ABI3BP: variants seen among roughly 807,000 people sequenced by gnomAD.
ABI3BP encodes ABI family member 3 binding protein.
ABI3BP carries 216 observed loss-of-function variants against 268.6 expected under a neutral mutation model. The observed-to-expected ratio is 0.80, with a 90% CI of 0.72 to 0.90. The LOEUF (loss-of-function observed/expected upper bound fraction) is 0.90, where lower values mean the gene tolerates loss of function less well. Ranked by LOEUF, ABI3BP falls within the 40% of genes least tolerant of loss-of-function variation. ABI3BP has a pLI of 0.00. For synonymous variants in ABI3BP, 730 were observed against 730.0 expected (o/e 1.00, Z 0.00); for missense variants, 2,090 against 2,182.4 (o/e 0.96, Z 0.84).
chr3:100,974,498 CA>C (rs377155699), intron 1 of ABI3BP, among the ~76,000 whole-genome samples: 38 of 152,022 alleles, frequency 2.5e-4, no homozygotes, highest in African/African-American at 8.7e-4. Flanking sequence ...AAAAAACGGA[CA>C]AAAAAAGTTA....
At chr3:100,823,926 T>C (rs1223378812) in intron 36 of ABI3BP, among the ~76,000 whole-genome samples, 1 of 152,166 alleles carries the variant, frequency 6.6e-6, no homozygotes, top group Non-Finnish European at 1.5e-5. Flanking sequence ...AAGAGACAGT[T>C]CATATGTTTG....
chr3:100,979,004 G>C (rs2087784203), intron 1 of ABI3BP, among the ~76,000 whole-genome samples: 1 of 152,184 alleles, frequency 6.6e-6, no homozygotes, highest in South Asian at 2.1e-4. Flanking sequence ...TTTCCAAAAT[G>C]TGATCCCAGG....
At chr3:100,926,549 G>C (rs2066434965) in intron 1 of ABI3BP, 68 bp from the exon 2 acceptor site, 1 of 1,436,062 alleles carries the variant, frequency 7.0e-7, no homozygotes, top group Non-Finnish European at 9.7e-7. Context: ...CAACTTCCCA[G>C]CAAGTGTTGG....
At chr3:100,939,503 C>T (rs900008293) in intron 1 of ABI3BP, among the ~76,000 whole-genome samples, 7 of 151,904 alleles carry the variant, frequency 4.6e-5, no homozygotes, top group East Asian at 1.9e-4. Context: ...CATCACGTGT[C>T]GGTAGGTTCT....
At chr3:100,915,785 G>C (rs1312368739) in intron 2 of ABI3BP, among the ~76,000 whole-genome samples, 2 of 152,150 alleles carry the variant, frequency 1.3e-5, no homozygotes, top group African/African-American at 4.8e-5. Flanking sequence ...TCCACTTCCA[G>C]TGCCTGCACA....
At position 100,820,246 on chromosome 3, in the gene ABI3BP, C is replaced by A. The variant is rs72932518; in HGVS notation, c.3005G>T (p.Ser1002Ile). 1,274 of 1,536,166 alleles carry A rather than the reference C, an allele frequency of 8.3e-4. 14 individuals are homozygous for A. In the African/African-American group the frequency reaches 0.016, roughly 19 times the overall value. ...CAGTTTGGTTTGAGGAACCTCAGGA[C>A]TTGGTGTGGTTTTAGTTTTGGGACG... ...RPRPKTKTTP[S>I]PEVPQTKLVP... Residue 1002 changes from serine to isoleucine, a missense_variant, in exon 40 of 68, where the codon AGT becomes ATT. Ser to Ile is a moderately radical substitution (Grantham distance 142). Transcript: ENST00000471714.
At chr3:100,951,860 G>A (rs2075189280) in intron 1 of ABI3BP, among the ~76,000 whole-genome samples, 1 of 151,840 alleles carries the variant, frequency 6.6e-6, no homozygotes, top group Non-Finnish European at 1.5e-5. Flanking sequence ...AGGTCATCTT[G>A]AGCCCAAAAT....
In ABI3BP at chr3:100,817,443, T is replaced by G; in HGVS notation, c.3141A>C (p.Thr1047=). 2.6e-6 allele frequency: 4 copies of G among 1,512,854 alleles called. No homozygotes were observed. The highest frequency in any genetic ancestry group is 3.5e-6 in the Non-Finnish European group (4 of 1,131,846). The allele number at this position is 1,512,854 out of a possible 1,614,324, so 93.7% of individuals were successfully genotyped here. The part of the protein sequence containing the change: ...PDTFRTKFPE[T]TLAPKTQRTR... ...AACACAGAATATCATTACCTAACGT[T>G]GTTTCTGGAAACTTGGTTCTAAAAG... The change falls in exon 42 of 68, where the codon ACA becomes ACC. Residue 1047 remains threonine (T), a synonymous_variant. Transcript: ENST00000471714.
intron 51 of ABI3BP, among the ~76,000 whole-genome samples, chr3:100,797,563 T>C (rs1404677232): frequency 3.1e-5 from 2 of 64,164 alleles, no homozygotes; most frequent in African/African-American, 2.6e-4. Flanking sequence ...GAAGAAACTG[T>C]TTTTTTTTTT....
intron 1 of ABI3BP, among the ~76,000 whole-genome samples, chr3:100,985,797 A>G (rs941520376): frequency 6.6e-6 from 1 of 152,268 alleles, no homozygotes; most frequent in African/African-American, 2.4e-5. Flanking sequence ...GAGACAAATT[A>G]GCAGTTTGCC....
At chr3:100,978,086 C>G (rs2087205990) in intron 1 of ABI3BP, among the ~76,000 whole-genome samples, 1 of 152,190 alleles carries the variant, frequency 6.6e-6, no homozygotes, top group South Asian at 2.1e-4. Flanking sequence ...CACAGACCCA[C>G]AAGTGTACTA....
At chr3:100,878,906 T>C (rs953334763) in intron 6 of ABI3BP, among the ~76,000 whole-genome samples, 1 of 152,234 alleles carries the variant, frequency 6.6e-6, no homozygotes, top group African/African-American at 2.4e-5. Context: ...TCTTTCTTCA[T>C]AATTGTATCT....
At chr3:100,814,907 G>A (rs987791167) in intron 44 of ABI3BP, among the ~76,000 whole-genome samples, 1 of 152,056 alleles carries the variant, frequency 6.6e-6, no homozygotes. Flanking sequence ...ATCTAATAAT[G>A]AGCCCTGTAA....
chr3:100,807,490 T>C (rs980353519), intron 50 of ABI3BP, among the ~76,000 whole-genome samples: 2 of 151,936 alleles, frequency 1.3e-5, no homozygotes, highest in African/African-American at 4.8e-5. Flanking sequence ...TTTAAAATCA[T>C]AGAAAAAATT....
intron 4 of ABI3BP, among the ~76,000 whole-genome samples, chr3:100,892,088 C>G (rs1207701848): frequency 2.0e-5 from 3 of 152,218 alleles, no homozygotes. Context: ...GAGCATGACT[C>G]AGATATGCAT....
At chr3:100,796,343 TAC>T in intron 52 of ABI3BP, 64 bp downstream of exon 52, 1 of 1,301,524 alleles carries the variant, frequency 7.7e-7, no homozygotes, top group African/African-American at 1.5e-5. Context: ...AAAATATATT[TAC>T]TTCAAGAATT....
intron 1 of ABI3BP, among the ~76,000 whole-genome samples, chr3:100,990,397 T>C (rs1349199): frequency 0.5 from 75,217 of 151,752 alleles, 18,917 homozygotes; most frequent in South Asian, 0.65. Context: ...GACAAAACTA[T>C]AGTCATTTAG....
chr3:100,987,075 T>C (rs2091986545), intron 1 of ABI3BP, among the ~76,000 whole-genome samples: 1 of 152,208 alleles, frequency 6.6e-6, no homozygotes, highest in African/African-American at 2.4e-5. Context: ...CTTAATTTTA[T>C]GTTTATTCTG....
Position 100,812,503 on chromosome 3 carries a change from C to A in ABI3BP, c.3385G>T (p.Val1129Phe). ...TTTGGTGACTCAGTACTAAGTGTAA[C>A]CGATTCCAGAACATCAGAAACTAGT... Reference protein sequence around the residue: ...SQPVSDVLESVTLSTESPKET... With the variant: ...SQPVSDVLESFTLSTESPKET... Residue 1129 changes from valine to phenylalanine, a missense_variant, in exon 46 of 68, where the codon GTT (valine) becomes TTT (phenylalanine). Coordinates refer to ENST00000471714, the MANE Select transcript of ABI3BP (RefSeq NM_001375547.2). 2 of 1,330,456 alleles carry A rather than the reference C, an allele frequency of 1.5e-6. No homozygotes were observed. The highest frequency in any genetic ancestry group is 1.9e-6 in the Non-Finnish European group (2 of 1,040,988). The allele number at this position is 1,330,456 out of a possible 1,614,324, so 82.4% of individuals were successfully genotyped here.
Sources: gnomAD v4.1 joint callset for allele counts (sites outside exome capture counted in the v4.1 genomes callset) on GRCh38, gnomAD v4.1.1 for gene constraint, MANE v1.5 for transcripts, NCBI Gene and HGNC (gene_info 2026-07-23, HGNC 2026-07-21) for gene names.